DLG2: variants seen among roughly 807,000 people sequenced by gnomAD.
DLG2 encodes disks large homolog 2.
A neutral mutation model predicts 132.5 loss-of-function variants in DLG2; 45 were observed. The observed-to-expected ratio is 0.34, with a 90% CI of 0.27 to 0.44. DLG2 has a LOEUF of 0.44. DLG2 is among the 20% of genes least tolerant of loss of function. The pLI, the probability that DLG2 is intolerant of heterozygous loss-of-function variation, is 1.00. For missense variants in DLG2, 1,045 were observed against 1,196.9 expected (o/e 0.87, Z 1.87); for synonymous variants, 424 against 419.6 (o/e 1.01, Z -0.13).
rs146434824 is a variant in DLG2, at chr11:85,108,225, G to T, written c.357+3436C>A. ...AAATGTAATAAAGCCTAATTATGAG[G>T]ATACAATCATTCCAGAGTAGAACAA... On this transcript the variant is annotated intron_variant, in intron 6 of 27. Transcript: ENST00000376104. Among the ~76,000 whole-genome samples the T allele has an allele frequency of 2.5e-3, 376 of 152,086 alleles. 3 individuals are homozygous for T. Among genetic ancestry groups the T allele is most frequent in the South Asian group, 0.016 (75 of 4,822 alleles).
chr11:84,641,354 G>A (rs923287253), intron 6 of DLG2, among the ~76,000 whole-genome samples: 4 of 152,108 alleles, frequency 2.6e-5, no homozygotes, highest in Admixed American at 6.5e-5. Context: ...CATAGTAAGC[G>A]CTCAATAAAT....
intron 7 of DLG2, among the ~76,000 whole-genome samples, chr11:84,429,634 C>T (rs781110608): frequency 4.3e-4 from 66 of 152,130 alleles, no homozygotes; most frequent in African/African-American, 1.6e-3. Flanking sequence ...GCAAATACTA[C>T]GAGGCATTTT....
intron 3 of DLG2, among the ~76,000 whole-genome samples, chr11:85,461,237 T>C (rs2092601109): frequency 1.3e-5 from 2 of 152,322 alleles, no homozygotes; most frequent in South Asian, 4.1e-4. Context: ...ACTTTTCCTC[T>C]CTTGGTTTCC....
intron 6 of DLG2, among the ~76,000 whole-genome samples, chr11:85,090,672 C>T (rs1230068701): frequency 6.6e-6 from 1 of 152,082 alleles, no homozygotes; most frequent in Non-Finnish European, 1.5e-5. Flanking sequence ...TTGTATTAGT[C>T]TACACATATA....
At chr11:84,808,152 C>A (rs2076200833) in intron 6 of DLG2, among the ~76,000 whole-genome samples, 1 of 151,754 alleles carries the variant, frequency 6.6e-6, no homozygotes, top group African/African-American at 2.4e-5. Flanking sequence ...TGTTATCTGA[C>A]CAGAAAAAAG....
chr11:85,251,103 A>G (rs1041528434), intron 4 of DLG2, among the ~76,000 whole-genome samples: 3 of 152,072 alleles, frequency 2.0e-5, no homozygotes, highest in African/African-American at 7.3e-5. Flanking sequence ...GTTTCCAGGT[A>G]CACTCCCATC....
chr11:84,865,614 A>C (rs913518394), intron 6 of DLG2, among the ~76,000 whole-genome samples: 3 of 152,162 alleles, frequency 2.0e-5, no homozygotes, highest in African/African-American at 7.2e-5. Context: ...CAAAGGTAAC[A>C]GTTATTGATT....
At chr11:85,419,880 C>G (rs1294759638) in intron 3 of DLG2, among the ~76,000 whole-genome samples, 1 of 152,194 alleles carries the variant, frequency 6.6e-6, no homozygotes, top group Non-Finnish European at 1.5e-5. Context: ...TTAGAACATG[C>G]TCCTTTAGCT....
chr11:85,112,239 A>G (rs1481412072), intron 5 of DLG2, among the ~76,000 whole-genome samples: 2 of 152,228 alleles, frequency 1.3e-5, no homozygotes, highest in Admixed American at 6.6e-5. Flanking sequence ...TTCTTATCAC[A>G]TGAAAAACTG....
intron 6 of DLG2, among the ~76,000 whole-genome samples, chr11:84,782,618 C>T (rs2072031198): frequency 6.6e-6 from 1 of 152,136 alleles, no homozygotes; most frequent in Non-Finnish European, 1.5e-5. Context: ...TTGACTCAAT[C>T]ATTTGCCACC....
chr11:85,603,143 A>G (rs765936238), intron 2 of DLG2, among the ~76,000 whole-genome samples: 10 of 152,236 alleles, frequency 6.6e-5, no homozygotes, highest in Non-Finnish European at 1.3e-4. Flanking sequence ...GTGCTAATAT[A>G]TTTGCATAAA....
intron 6 of DLG2, among the ~76,000 whole-genome samples, chr11:84,872,832 CTTAA>C (rs1300463896): frequency 4.6e-5 from 7 of 152,140 alleles, no homozygotes; most frequent in Non-Finnish European, 8.8e-5. Flanking sequence ...ATGATGGAAA[CTTAA>C]TTAAAGACAC....
At chr11:83,831,352 C>G (rs1424655319) in intron 17 of DLG2, among the ~76,000 whole-genome samples, 1 of 152,136 alleles carries the variant, frequency 6.6e-6, no homozygotes, top group Non-Finnish European at 1.5e-5. Context: ...CGCTGTATCT[C>G]CCATACTCAA....
intron 3 of DLG2, among the ~76,000 whole-genome samples, chr11:85,457,733 AT>A (rs2092468035): frequency 6.6e-6 from 1 of 152,056 alleles, no homozygotes; most frequent in African/African-American, 2.4e-5. Flanking sequence ...GTTGAAAATT[AT>A]TTTCCTTAAG....
intron 16 of DLG2, among the ~76,000 whole-genome samples, chr11:83,839,053 C>A (rs2056940906): frequency 6.6e-6 from 1 of 152,104 alleles, no homozygotes; most frequent in African/African-American, 2.4e-5. Flanking sequence ...TTTATGTTAC[C>A]CATCTGGGGG....
chr11:85,557,240 A>G (rs539545690), intron 3 of DLG2, among the ~76,000 whole-genome samples: 4 of 152,002 alleles, frequency 2.6e-5, no homozygotes, highest in African/African-American at 9.6e-5. Context: ...CTAAGACTAC[A>G]TCTAACCAAG....
chr11:83,756,873 G>T (rs2093670769), intron 18 of DLG2, among the ~76,000 whole-genome samples: 1 of 146,220 alleles, frequency 6.8e-6, no homozygotes, highest in African/African-American at 2.8e-5. Context: ...TAGCCTTTCA[G>T]CTTTGTTCAG....
intron 7 of DLG2, among the ~76,000 whole-genome samples, chr11:84,341,206 G>A (rs542815172): frequency 1.4e-4 from 21 of 152,164 alleles, no homozygotes; most frequent in East Asian, 1.9e-4. Context: ...TTCTTGAAGT[G>A]TTGTTCTCTC....
At chr11:83,582,259 T>G (rs1240308222) in intron 19 of DLG2, among the ~76,000 whole-genome samples, 3 of 152,108 alleles carry the variant, frequency 2.0e-5, no homozygotes, top group Admixed American at 6.6e-5. Context: ...CCGGCTGACT[T>G]TGGAATCTTT....
Sources: allele counts gnomAD v4.1 joint callset (sites outside exome capture counted in the v4.1 genomes callset), GRCh38; gene constraint gnomAD v4.1.1; transcripts MANE v1.5; gene names NCBI Gene and HGNC (gene_info 2026-07-23, HGNC 2026-07-21).